The following R3HDM2 variants were observed in gnomAD, a reference collection of about 807,000 sequenced individuals.
R3HDM2 encodes the protein R3H domain containing 2, also known as R3H domain-containing protein 2.
Under a neutral mutation model 124.5 loss-of-function variants are expected in R3HDM2, and 38 were observed. The observed-to-expected ratio is 0.31, with a 90% CI of 0.24 to 0.40. The LOEUF (loss-of-function observed/expected upper bound fraction) is 0.40. R3HDM2 is among the 10% of genes least tolerant of loss of function. R3HDM2 has a pLI of 1.00. For synonymous variants in R3HDM2, 391 were observed against 448.0 expected (o/e 0.87, Z 1.61); for missense variants, 869 against 1,236.9 (o/e 0.70, Z 4.46).
rs530785138 is a variant in R3HDM2, at chr12:57,423,781, T to G, written c.-106+6939A>C. Among the ~76,000 whole-genome samples the G allele has an allele frequency of 4.6e-4, 56 of 122,656 alleles. 1 individual carries two copies. Among genetic ancestry groups the G allele is most frequent in the Non-Finnish European group, 8.3e-4 (52 of 62,822 alleles). 80.5% of individuals were successfully genotyped at this position (122,656 alleles called of 152,430 possible). Reference sequence around the variant, plus strand: ...GATATCATACCACTGCACTCCAGCCTGGGCAACAGAGCAAGACTGTCTCAA... The same window carrying G: ...GATATCATACCACTGCACTCCAGCCGGGGCAACAGAGCAAGACTGTCTCAA... On this transcript the variant is annotated intron_variant, in intron 1 of 23. Coordinates refer to ENST00000402412, the MANE Select transcript of R3HDM2 (RefSeq NM_001394031.1).
rs551493783 is a variant in R3HDM2, at chr12:57,316,324, T to C, written c.-35-5861A>G. Among the ~76,000 whole-genome samples the C allele has an allele frequency of 2.3e-4, 35 of 152,316 alleles. 1 individual carries two copies. In the South Asian group the frequency reaches 5.8e-3, roughly 25 times the overall value. On this transcript the variant is annotated intron_variant, in intron 2 of 23. Transcript: ENST00000402412. The stretch of plus-strand genomic sequence containing the variant: ...GACCTTATCCCCAATCCCTGGGAGA[T>C]GGATATAAATTAGTTAAACCAATTG...
intron 2 of R3HDM2, among the ~76,000 whole-genome samples, chr12:57,364,749 T>C (rs2062398477): frequency 6.8e-6 from 1 of 147,414 alleles, no homozygotes; most frequent in South Asian, 2.2e-4. Context: ...GGTCAGGAGT[T>C]CGAGACCATC....
chr12:57,370,786 T>G (rs1400675977), intron 2 of R3HDM2, among the ~76,000 whole-genome samples: 1 of 152,042 alleles, frequency 6.6e-6, no homozygotes, highest in East Asian at 1.9e-4. Context: ...AATAGTAAAT[T>G]TAGTCTAGTT....
At chr12:57,342,217 G>C (rs879328947) in intron 2 of R3HDM2, among the ~76,000 whole-genome samples, 2 of 152,092 alleles carry the variant, frequency 1.3e-5, no homozygotes, top group Non-Finnish European at 2.9e-5. Flanking sequence ...ATTATTAATG[G>C]AGACTTCATT....
chr12:57,379,256 T>G (rs1018252491), intron 2 of R3HDM2, among the ~76,000 whole-genome samples: 17 of 152,106 alleles, frequency 1.1e-4, no homozygotes, highest in African/African-American at 3.9e-4. Flanking sequence ...AGATGGCAAA[T>G]TCTGTTATGT....
chr12:57,371,116 G>C (rs1202243101), intron 2 of R3HDM2, among the ~76,000 whole-genome samples: 1 of 33,908 alleles, frequency 2.9e-5, no homozygotes, highest in African/African-American at 1.0e-4. Flanking sequence ...TTTTTTTTAA[G>C]ATACACACAC....
chr12:57,272,529 G>A (rs1422429462), intron 14 of R3HDM2: 7 of 1,547,448 alleles, frequency 4.5e-6, no homozygotes, highest in Non-Finnish European at 6.1e-6. Context: ...AACAGGCTGC[G>A]GAGAGGGCTG....
chr12:57,367,784 AG>A (rs2137824272), intron 2 of R3HDM2, among the ~76,000 whole-genome samples: 1 of 152,334 alleles, frequency 6.6e-6, no homozygotes, highest in African/African-American at 2.4e-5. Context: ...AGCTATCACC[AG>A]AACTGTAAGT....
At chr12:57,430,428 C>T in intron 1 of R3HDM2, 2 of 776,934 alleles carry the variant, frequency 2.6e-6, no homozygotes, top group Non-Finnish European at 1.6e-6. Flanking sequence ...CCCCGAAGCA[C>T]TGGAAGGGCG....
In R3HDM2 at chr12:57,420,215, G is replaced by A. The variant is rs74340798; in HGVS notation, c.-106+10505C>T. Among the ~76,000 whole-genome samples, 1,414 of 152,100 alleles carry A rather than the reference G, an allele frequency of 9.3e-3. 24 individuals are homozygous for A. The highest frequency in any genetic ancestry group is 0.033 in the African/African-American group (1,358 of 41,494). ...TTCTCCTGTATATATAAATATGCTC[G>A]AGTTTGTCATCTTAAAAAACTCTTC... On this transcript the variant is annotated intron_variant, in intron 1 of 23. Coordinates refer to ENST00000402412, the MANE Select transcript of R3HDM2 (RefSeq NM_001394031.1).
At chr12:57,297,035 C>A in intron 8 of R3HDM2, 1 of 283,796 alleles carries the variant, frequency 3.5e-6, no homozygotes, top group South Asian at 5.4e-5. Context: ...GCCTAGGCGA[C>A]AAAGAAAGAC....
intron 2 of R3HDM2, among the ~76,000 whole-genome samples, chr12:57,375,885 G>C (rs1036973932): frequency 5.3e-5 from 8 of 151,956 alleles, no homozygotes; most frequent in African/African-American, 1.7e-4. Context: ...TGTTAGCCAG[G>C]ATGGTCTCGA....
chr12:57,360,017 A>ATATATG (rs1555287123), intron 2 of R3HDM2, among the ~76,000 whole-genome samples: 87 of 87,094 alleles, frequency 1.0e-3, no homozygotes, highest in African/African-American at 2.8e-3. Flanking sequence ...ATATATATAT[A>ATATATG]TATATACACA....
At chr12:57,313,091 G>C (rs1022115502) in intron 2 of R3HDM2, among the ~76,000 whole-genome samples, 1 of 152,038 alleles carries the variant, frequency 6.6e-6, no homozygotes, top group Non-Finnish European at 1.5e-5. Flanking sequence ...ATAACCTATA[G>C]ACCTTCATGG....
chr12:57,402,779 A>G (rs2068156323), intron 1 of R3HDM2, among the ~76,000 whole-genome samples: 1 of 151,764 alleles, frequency 6.6e-6, no homozygotes, highest in Admixed American at 6.6e-5. Context: ...CCAAAAAAAA[A>G]CTCCTGGCCT....
At chr12:57,288,105 C>T (rs1164929144) in intron 12 of R3HDM2, among the ~76,000 whole-genome samples, 3 of 151,208 alleles carry the variant, frequency 2.0e-5, no homozygotes, top group African/African-American at 4.9e-5. Flanking sequence ...CTGCAACCTC[C>T]GCCTCCTGGG....
At chr12:57,366,142 T>A (rs1485329396) in intron 2 of R3HDM2, among the ~76,000 whole-genome samples, 2 of 152,154 alleles carry the variant, frequency 1.3e-5, no homozygotes, top group African/African-American at 4.8e-5. Context: ...CACTCTTCAC[T>A]TATTTTTTTG....
chr12:57,279,751 C>G (rs189102567), intron 14 of R3HDM2, among the ~76,000 whole-genome samples: 2 of 152,256 alleles, frequency 1.3e-5, no homozygotes, highest in Admixed American at 1.3e-4. Flanking sequence ...CCTTCCTGGT[C>G]TCCACAGATG....
In R3HDM2 at chr12:57,310,259, G is replaced by T; in HGVS notation, c.165+5C>A. 1 of 1,514,000 alleles carries T rather than the reference G, an allele frequency of 6.6e-7. No homozygotes were observed. The highest frequency in any genetic ancestry group is 2.2e-5 in the Admixed American group (1 of 44,500). The allele number at this position is 1,514,000 out of a possible 1,614,324, so 93.8% of individuals were successfully genotyped here. ...GTGTGCATACAATGCATTTCCAATCGTTACCTGTGTCTCCTGACGCAAACT... is the reference window on the plus strand; with the variant it reads ...GTGTGCATACAATGCATTTCCAATCTTTACCTGTGTCTCCTGACGCAAACT... On this transcript the variant is annotated splice_donor_5th_base_variant and intron_variant, in intron 3 of 23. Coordinates refer to ENST00000402412, the MANE Select transcript of R3HDM2 (RefSeq NM_001394031.1).
Sources: allele counts gnomAD v4.1 joint callset (sites outside exome capture counted in the v4.1 genomes callset), GRCh38; gene constraint gnomAD v4.1.1; transcripts MANE v1.5; gene names NCBI Gene and HGNC (gene_info 2026-07-23, HGNC 2026-07-21).